FGGY: variants seen among roughly 807,000 people sequenced by gnomAD.
FGGY encodes FGGY carbohydrate kinase domain-containing protein.
In FGGY, 72 loss-of-function variants were observed where a neutral mutation model predicts 71.3. The ratio of observed to expected loss-of-function variants is 1.01; its 90% CI spans 0.84 to 1.23. The LOEUF (loss-of-function observed/expected upper bound fraction) is 1.23. Among genes scored for constraint, FGGY ranks in the 50% most tolerant of loss-of-function variants. The pLI is 0.00. For synonymous variants in FGGY, 251 were observed against 250.3 expected (o/e 1.00, Z -0.02); for missense variants, 668 against 682.3 (o/e 0.98, Z 0.23).
At chr1:59,616,955 A>G (rs1305719689) in intron 9 of FGGY, among the ~76,000 whole-genome samples, 2 of 152,258 alleles carry the variant, frequency 1.3e-5, no homozygotes, top group Admixed American at 1.3e-4. Flanking sequence ...TGGCCTTTTA[A>G]TATGTTTTAT....
At chr1:59,399,364 T>C (rs966455230) in intron 5 of FGGY, among the ~76,000 whole-genome samples, 19 of 152,224 alleles carry the variant, frequency 1.2e-4, no homozygotes, top group African/African-American at 4.1e-4. Context: ...AGGCCCAGGA[T>C]ATAAGTGATT....
At chr1:59,483,220 G>T (rs926468941) in intron 6 of FGGY, among the ~76,000 whole-genome samples, 1 of 152,092 alleles carries the variant, frequency 6.6e-6, no homozygotes, top group South Asian at 2.1e-4. Flanking sequence ...CAAGTTTGTT[G>T]GTTAGCCAGG....
At chr1:59,595,067 C>T (rs1558486120) in intron 8 of FGGY, among the ~76,000 whole-genome samples, 2 of 152,264 alleles carry the variant, frequency 1.3e-5, no homozygotes, top group East Asian at 3.9e-4. Context: ...AGCTGAGAGG[C>T]AGCTGGATAT....
At chr1:59,326,225 A>G (rs924663554) in intron 2 of FGGY, among the ~76,000 whole-genome samples, 5 of 152,200 alleles carry the variant, frequency 3.3e-5, no homozygotes, top group Admixed American at 3.3e-4. Context: ...CATATAGAGG[A>G]GACGTATACA....
intron 7 of FGGY, among the ~76,000 whole-genome samples, chr1:59,536,741 A>C (rs1349446386): frequency 6.6e-6 from 1 of 152,246 alleles, no homozygotes; most frequent in Non-Finnish European, 1.5e-5. Flanking sequence ...ACAGAACCAA[A>C]GACAAAAACC....
chr1:59,517,080 T>C (rs1278740654), intron 7 of FGGY, among the ~76,000 whole-genome samples: 1 of 152,124 alleles, frequency 6.6e-6, no homozygotes, highest in Non-Finnish European at 1.5e-5. Flanking sequence ...GGAGTAGCTT[T>C]GTTTGCACTT....
At chr1:59,723,349 T>C (rs188303995) in intron 14 of FGGY, among the ~76,000 whole-genome samples, 7 of 152,304 alleles carry the variant, frequency 4.6e-5, no homozygotes, top group Admixed American at 3.9e-4. Context: ...ACATGGATCA[T>C]TCTAACTCGC....
intron 6 of FGGY, among the ~76,000 whole-genome samples, chr1:59,471,048 C>T (rs2092915141): frequency 6.6e-6 from 1 of 152,186 alleles, no homozygotes. Flanking sequence ...CTCCCCTCTC[C>T]TGAGGGAGGC....
intron 5 of FGGY, among the ~76,000 whole-genome samples, chr1:59,434,850 G>A (rs545732523): frequency 1.1e-4 from 16 of 152,240 alleles, no homozygotes; most frequent in African/African-American, 3.9e-4. Flanking sequence ...TTGAGGGGGG[G>A]ATACACACAC....
chr1:59,387,641 G>A (rs1019181226), intron 5 of FGGY, among the ~76,000 whole-genome samples: 2 of 152,092 alleles, frequency 1.3e-5, no homozygotes, highest in Non-Finnish European at 1.5e-5. Context: ...CAGAAAACTT[G>A]AGAGAATGGC....
intron 8 of FGGY, among the ~76,000 whole-genome samples, chr1:59,598,920 G>T (rs2096548838): frequency 6.6e-6 from 1 of 152,192 alleles, no homozygotes; most frequent in Non-Finnish European, 1.5e-5. Flanking sequence ...AGATGTATTT[G>T]TAGAGATGTA....
intron 2 of FGGY, among the ~76,000 whole-genome samples, chr1:59,333,128 C>T (rs2048823948): frequency 6.6e-6 from 1 of 152,162 alleles, no homozygotes; most frequent in Non-Finnish European, 1.5e-5. Context: ...CTTTGGACAC[C>T]ACATCCTGTG....
At chr1:59,496,455 T>G (rs2094034457) in intron 6 of FGGY, among the ~76,000 whole-genome samples, 1 of 152,084 alleles carries the variant, frequency 6.6e-6, no homozygotes, top group South Asian at 2.1e-4. Flanking sequence ...ATATTCTCAC[T>G]GGTAAGTGGG....
At chr1:59,710,758 A>G (rs2097788184) in intron 14 of FGGY, among the ~76,000 whole-genome samples, 1 of 152,192 alleles carries the variant, frequency 6.6e-6, no homozygotes, top group Non-Finnish European at 1.5e-5. Context: ...TCTCAACACC[A>G]GTTGGAATGG....
intron 7 of FGGY, among the ~76,000 whole-genome samples, chr1:59,538,925 A>C (rs1426438875): frequency 6.6e-6 from 1 of 152,010 alleles, no homozygotes; most frequent in African/African-American, 2.4e-5. Context: ...CAGCGCACCA[A>C]CATGGCACGT....
At chr1:59,738,142 A>G (rs2098120670) in intron 14 of FGGY, among the ~76,000 whole-genome samples, 1 of 152,234 alleles carries the variant, frequency 6.6e-6, no homozygotes. Context: ...AGCCTCACTG[A>G]GCTGTGCTAA....
chr1:59,522,351 G>A (rs1378304839), intron 7 of FGGY, among the ~76,000 whole-genome samples: 1 of 152,172 alleles, frequency 6.6e-6, no homozygotes, highest in Non-Finnish European at 1.5e-5. Flanking sequence ...TGTATCTATA[G>A]TGGAAGATAG....
chr1:59,484,397 ATCT>A (rs1403022142), intron 6 of FGGY, among the ~76,000 whole-genome samples: 1 of 151,916 alleles, frequency 6.6e-6, no homozygotes, highest in Non-Finnish European at 1.5e-5. Flanking sequence ...CTACTCTATC[ATCT>A]TCTTTCCATG....
chr1:59,375,086 C>G (rs1292848319), intron 4 of FGGY, among the ~76,000 whole-genome samples: 6 of 145,850 alleles, frequency 4.1e-5, no homozygotes, highest in African/African-American at 5.1e-5. Context: ...AAAAATCCAC[C>G]TAGTTTTCAT....
Sources: gnomAD v4.1 joint callset for allele counts (sites outside exome capture counted in the v4.1 genomes callset) on GRCh38, gnomAD v4.1.1 for gene constraint, MANE v1.5 for transcripts, NCBI Gene and HGNC (gene_info 2026-07-23, HGNC 2026-07-21) for gene names.